The following ABCB7 variants were observed in gnomAD, a reference collection of about 807,000 sequenced individuals.
The protein encoded by ABCB7 is iron-sulfur clusters transporter ABCB7, mitochondrial.
A neutral mutation model predicts 54.4 loss-of-function variants in ABCB7; 7 were observed. That is an observed-to-expected ratio of 0.13 (90% CI 0.07 to 0.24). The LOEUF (loss-of-function observed/expected upper bound fraction) is 0.24, where lower values mean the gene tolerates loss of function less well. Ranked by LOEUF, ABCB7 falls within the 10% of genes least tolerant of loss-of-function variation. The pLI is 1.00. For synonymous variants in ABCB7, 218 were observed against 207.1 expected (o/e 1.05, Z -0.45); for missense variants, 356 against 570.4 (o/e 0.62, Z 3.83).
chrX:75,109,505 T>C (rs1324591464), intron 3 of ABCB7, among the ~76,000 whole-genome samples: 1 of 111,371 alleles, frequency 9.0e-6, no homozygotes. Context: ...AATGATCTTT[T>C]GATAAAGGTA....
At chrX:75,128,009 A>C (rs182896483) in intron 1 of ABCB7, among the ~76,000 whole-genome samples, 107 of 112,048 alleles carry the variant, frequency 9.5e-4, no homozygotes, top group Non-Finnish European at 1.4e-3. Flanking sequence ...ATATCGTGAA[A>C]ATGGCTATAC....
rs141915754 is a variant in ABCB7, at chrX:75,115,019, T to A, written c.169-188A>T. Among the ~76,000 whole-genome samples the A allele has an allele frequency of 7.2e-5, 8 of 110,963 alleles. No homozygotes were observed. The South Asian group carries it at 2.7e-3, about 37-fold the overall frequency. ...GCCTGGTGGCTCACGCCTATAATCC[T>A]GGCACTTTGGGAGGCTAAGGCGGGC... On this transcript the variant is annotated intron_variant, in intron 1 of 15. Transcript: ENST00000373394.
At position 75,063,977 on chromosome X, in the gene ABCB7, A is replaced by G. The variant is rs765646259; in HGVS notation, c.1831+1093T>C. The stretch of plus-strand genomic sequence containing the variant: ...GTTCATATTACGTGATAAATTAGGG[A>G]TCGCCAGAATTAGCCAAACGGACAC... On this transcript the variant is annotated intron_variant, in intron 13 of 15. Transcript: ENST00000373394. Among the ~76,000 whole-genome samples the G allele has an allele frequency of 4.5e-5, 5 of 111,434 alleles. No individual in the cohort carries two copies. In the South Asian group the frequency reaches 1.9e-3, roughly 42 times the overall value.
At chrX:75,057,894 A>T (rs1175881590) in intron 15 of ABCB7, among the ~76,000 whole-genome samples, 1 of 110,934 alleles carries the variant, frequency 9.0e-6, no homozygotes, top group Non-Finnish European at 1.9e-5. Context: ...CAGTGGCACA[A>T]GAGGGTCTGT....
chrX:75,094,125 A>G (rs1335339465), intron 4 of ABCB7, among the ~76,000 whole-genome samples: 4 of 104,082 alleles, frequency 3.8e-5, no homozygotes. Context: ...ACTTTATATA[A>G]CAGATGCATT....
intron 10 of ABCB7, among the ~76,000 whole-genome samples, chrX:75,070,034 C>T (rs1039054885): frequency 5.4e-5 from 6 of 110,227 alleles, no homozygotes; most frequent in Middle Eastern, 4.2e-3. Flanking sequence ...GCCATCACGC[C>T]CAGCTAATTT....
At chrX:75,110,357 G>T (rs2081748594) in intron 3 of ABCB7, among the ~76,000 whole-genome samples, 1 of 111,620 alleles carries the variant, frequency 9.0e-6, no homozygotes, top group Non-Finnish European at 1.9e-5. Context: ...TGTCATCCAG[G>T]TATGCTTGCC....
At chrX:75,116,045 T>A (rs2081815243) in intron 1 of ABCB7, among the ~76,000 whole-genome samples, 1 of 111,664 alleles carries the variant, frequency 9.0e-6, no homozygotes, top group Non-Finnish European at 1.9e-5. Context: ...TATAAATCTG[T>A]CTCTTGTGGG....
At position 75,081,180 on chromosome X, in the gene ABCB7, AATAAG is replaced by A. The variant is rs763254299; in HGVS notation, c.454-4531_454-4527del. 2.7e-4 allele frequency among the ~76,000 whole-genome samples: 30 copies of A among 112,311 alleles called. No homozygotes were observed. In the East Asian group the frequency reaches 5.6e-3, roughly 21 times the overall value. On this transcript the variant is annotated intron_variant, in intron 4 of 15. Coordinates refer to ENST00000373394, the MANE Select transcript of ABCB7 (RefSeq NM_001271696.3). The stretch of plus-strand genomic sequence containing the variant: ...AATTTAAAAAATCATATCAAGAACC[AATAAG>A]ATAAGATATCAATTTGAATAAGACA...
At chrX:75,142,664 T>C (rs934869791) in intron 1 of ABCB7, among the ~76,000 whole-genome samples, 2 of 112,648 alleles carry the variant, frequency 1.8e-5, no homozygotes, top group Non-Finnish European at 3.7e-5. Flanking sequence ...CTATAAATTG[T>C]TCACCTGCAA....
chrX:75,055,675 T>C (rs1363359939), intron 15 of ABCB7, among the ~76,000 whole-genome samples: 1 of 109,731 alleles, frequency 9.1e-6, no homozygotes, highest in East Asian at 2.8e-4. Flanking sequence ...ACCAATAATG[T>C]CCTTTATACT....
At chrX:75,115,288 AAAAAAAAAAAAT>A in intron 1 of ABCB7, among the ~76,000 whole-genome samples, 1 of 103,770 alleles carries the variant, frequency 9.6e-6, no homozygotes, top group Non-Finnish European at 2.0e-5. Flanking sequence ...AAAAAAAAAA[AAAAAAAAAAAAT>A]GACAAAAATA....
intron 4 of ABCB7, among the ~76,000 whole-genome samples, chrX:75,083,540 ACAT>A (rs769061813): frequency 3.6e-5 from 4 of 111,561 alleles, no homozygotes; most frequent in Admixed American, 2.8e-4. Context: ...TTTATTTAAA[ACAT>A]CATCAGGCTT....
At chrX:75,059,147 T>C (rs1460137465) in intron 15 of ABCB7, among the ~76,000 whole-genome samples, 1 of 111,154 alleles carries the variant, frequency 9.0e-6, no homozygotes, top group Non-Finnish European at 1.9e-5. Flanking sequence ...AGACAGTACA[T>C]GAGAATGCTT....
chrX:75,071,099 G>A (rs1403557981), intron 9 of ABCB7, among the ~76,000 whole-genome samples: 3 of 110,130 alleles, frequency 2.7e-5, no homozygotes, highest in East Asian at 5.7e-4. Context: ...CTTTTGAAGT[G>A]TTTTGCAACT....
intron 4 of ABCB7, among the ~76,000 whole-genome samples, chrX:75,076,891 C>T (rs1402312477): frequency 9.0e-6 from 1 of 111,296 alleles, no homozygotes; most frequent in Non-Finnish European, 1.9e-5. Context: ...GTGAATTAGT[C>T]AAATGCTTCT....
intron 14 of ABCB7, among the ~76,000 whole-genome samples, chrX:75,060,848 A>G (rs187157301): frequency 9.0e-6 from 1 of 111,653 alleles, no homozygotes; most frequent in Non-Finnish European, 1.9e-5. Context: ...TAACTGCAGA[A>G]ACCTCTTTTT....
chrX:75,055,558 A>C (rs1373464148), intron 15 of ABCB7, among the ~76,000 whole-genome samples: 10 of 96,825 alleles, frequency 1.0e-4, no homozygotes, highest in African/African-American at 3.0e-4. Flanking sequence ...TCTACCAAAA[A>C]AAAAAAAAAA....
intron 1 of ABCB7, among the ~76,000 whole-genome samples, chrX:75,122,993 T>G (rs1234396267): frequency 9.0e-6 from 1 of 110,698 alleles, no homozygotes; most frequent in East Asian, 2.9e-4. Context: ...CTTTATAGTT[T>G]TGATGACTGT....
Sources: allele counts gnomAD v4.1 joint callset (sites outside exome capture counted in the v4.1 genomes callset), GRCh38; gene constraint gnomAD v4.1.1; transcripts MANE v1.5; gene names NCBI Gene and HGNC (gene_info 2026-07-23, HGNC 2026-07-21).